The following ARMC2 variants were observed in gnomAD, a reference collection of about 807,000 sequenced individuals.
The protein encoded by ARMC2 is armadillo repeat-containing protein 2.
In ARMC2, 67 loss-of-function variants were observed where a neutral mutation model predicts 90.3. That is an observed-to-expected ratio of 0.74 (90% CI 0.61 to 0.91). ARMC2 has a LOEUF of 0.91. Among genes scored for constraint, ARMC2 ranks in the 40% least tolerant of loss-of-function variants. The probability of loss-of-function intolerance (pLI) is 0.00; values close to 1 mark genes in which losing one functional copy is unlikely to be tolerated. For missense variants in ARMC2, 920 were observed against 1,030.9 expected, an observed-to-expected ratio of 0.89 and a Z score of 1.47; for synonymous variants, 393 against 393.0, an observed-to-expected ratio of 1.00 and a Z score of 0.00.
chr6:108,992,025 CATG>C, the ARMC2 span, among the ~76,000 whole-genome samples: 1 of 152,200 alleles, frequency 6.6e-6, no homozygotes, highest in African/African-American at 2.4e-5. Flanking sequence ...TTCCAGCCCA[CATG>C]ATGTCTTCAA....
chr6:109,004,126 T>C, the ARMC2 span, among the ~76,000 whole-genome samples: 12 of 152,100 alleles, frequency 7.9e-5, no homozygotes, highest in African/African-American at 2.9e-4. Flanking sequence ...TAACATGCTT[T>C]ACCCCACAAT....
downstream of ARMC2, among the ~76,000 whole-genome samples, chr6:108,976,850 T>A (rs893912896): frequency 6.6e-6 from 1 of 152,220 alleles, no homozygotes; most frequent in Non-Finnish European, 1.5e-5. Context: ...GCACATTGAT[T>A]TTGTATCTTG....
the ARMC2 span, among the ~76,000 whole-genome samples, chr6:109,040,519 G>C: frequency 3.3e-3 from 509 of 151,998 alleles, no homozygotes; most frequent in African/African-American, 9.9e-3. Context: ...AGGACTCTTA[G>C]GGTAACGCCA....
At chr6:108,873,923 A>G (rs1340959725) in intron 4 of ARMC2, among the ~76,000 whole-genome samples, 2 of 152,156 alleles carry the variant, frequency 1.3e-5, no homozygotes, top group Admixed American at 1.3e-4. Flanking sequence ...AGATAGAGCA[A>G]CGTCATTAAG....
intron 5 of ARMC2, among the ~76,000 whole-genome samples, chr6:108,881,079 C>T (rs1404137283): frequency 6.6e-6 from 1 of 152,084 alleles, no homozygotes; most frequent in African/African-American, 2.4e-5. Flanking sequence ...TGGTCTTGAT[C>T]TCCTGACCTT....
the ARMC2 span, among the ~76,000 whole-genome samples, chr6:109,035,885 G>A: frequency 6.6e-6 from 1 of 152,224 alleles, no homozygotes; most frequent in Admixed American, 6.5e-5. Context: ...TGGGATTACA[G>A]ACGTGACCAC....
chr6:108,862,227 C>A (rs1775320009), intron 3 of ARMC2, among the ~76,000 whole-genome samples: 2 of 151,678 alleles, frequency 1.3e-5, no homozygotes, highest in Non-Finnish European at 1.5e-5. Context: ...GCCTCTAACC[C>A]CAGCTACTCT....
At chr6:108,957,353 T>C (rs1777670322) in intron 13 of ARMC2, among the ~76,000 whole-genome samples, 1 of 152,196 alleles carries the variant, frequency 6.6e-6, no homozygotes, top group South Asian at 2.1e-4. Context: ...ATTTCCTACC[T>C]GTTTTGTCTG....
At chr6:108,945,566 C>T (rs966469199) in intron 12 of ARMC2, among the ~76,000 whole-genome samples, 2 of 152,224 alleles carry the variant, frequency 1.3e-5, no homozygotes, top group African/African-American at 2.4e-5. Context: ...CCTTTGCAAA[C>T]CCTGGGAACT....
At chr6:109,001,795 G>A in the ARMC2 span, among the ~76,000 whole-genome samples, 1 of 152,166 alleles carries the variant, frequency 6.6e-6, no homozygotes, top group African/African-American at 2.4e-5. Flanking sequence ...CTTGCAAACA[G>A]ACACTAAAGC....
chr6:109,005,773 T>C, the ARMC2 span, among the ~76,000 whole-genome samples: 8 of 152,186 alleles, frequency 5.3e-5, no homozygotes. Context: ...AAAATAATAA[T>C]ACCATCAATC....
At chr6:108,937,042 T>A (rs1248298377) in intron 12 of ARMC2, 43 bp downstream of exon 12, 3 of 1,427,594 alleles carry the variant, frequency 2.1e-6, no homozygotes, top group East Asian at 2.4e-5. Context: ...GTCTTTACAC[T>A]AATGTGTTTG....
chr6:108,948,739 A>G (rs933156210), intron 12 of ARMC2, among the ~76,000 whole-genome samples: 3 of 152,012 alleles, frequency 2.0e-5, no homozygotes, highest in Admixed American at 2.0e-4. Flanking sequence ...CAGAGATGAC[A>G]GAATCGAAGA....
the ARMC2 span, among the ~76,000 whole-genome samples, chr6:109,009,154 A>G: frequency 6.6e-6 from 1 of 151,998 alleles, no homozygotes; most frequent in Non-Finnish European, 1.5e-5. Flanking sequence ...TCTCCCACCC[A>G]CCGCAGGCAA....
intron 5 of ARMC2, among the ~76,000 whole-genome samples, chr6:108,879,185 T>A (rs1197104752): frequency 4.2e-5 from 6 of 142,982 alleles, no homozygotes; most frequent in Non-Finnish European, 9.1e-5. Flanking sequence ...TCCACCCACC[T>A]ATCCACCTAT....
In ARMC2 at chr6:108,945,744, T is replaced by C. The variant is rs547353985; in HGVS notation, c.1597-7289T>C. Among the ~76,000 whole-genome samples, 6 of 152,360 alleles carry C rather than the reference T, an allele frequency of 3.9e-5. No homozygotes were observed. The South Asian group carries it at 1.2e-3, about 32-fold the overall frequency. On this transcript the variant is annotated intron_variant, in intron 12 of 17. Coordinates refer to ENST00000392644, the MANE Select transcript of ARMC2 (RefSeq NM_032131.6). Reference sequence around the variant, plus strand: ...AATGAGAGCTGGAATGTCTGAACAGTGTGGGCTGAAAGCAAAACCACCTCC... The same window carrying C: ...AATGAGAGCTGGAATGTCTGAACAGCGTGGGCTGAAAGCAAAACCACCTCC...
chr6:108,855,250 C>CTTTTTTTTTTT (rs1256172618), intron 2 of ARMC2, among the ~76,000 whole-genome samples: 1 of 138,172 alleles, frequency 7.2e-6, no homozygotes, highest in Admixed American at 7.3e-5. Context: ...TTTTGTTTTT[C>CTTTTTTTTTTT]TTTTTTTTTT....
chr6:108,953,252 A>C lies in ARMC2; in HGVS notation c.1816A>C (p.Lys606Gln). The C allele has an allele frequency of 6.2e-7, 1 of 1,613,578 alleles. No individual in the cohort carries two copies. Among genetic ancestry groups the C allele is most frequent in the African/African-American group, 1.3e-5 (1 of 75,080 alleles). Reference sequence around the variant, plus strand: ...GTCAGAGGCAGAGGACGTGCTCATCAAGCTGACTCGTGTGCTGGCCAACAT... The same window carrying C: ...GTCAGAGGCAGAGGACGTGCTCATCCAGCTGACTCGTGTGCTGGCCAACAT... ...PPSEAEDVLI[K>Q]LTRVLANIAI... The change falls in exon 13 of 18, where the codon AAG (lysine) becomes CAG (glutamine). Residue 606 changes from lysine (K) to glutamine (Q), a missense_variant. Transcript: ENST00000392644.
chr6:108,919,328 A>G (rs1013800855), intron 10 of ARMC2, among the ~76,000 whole-genome samples: 6 of 152,192 alleles, frequency 3.9e-5, no homozygotes, highest in Non-Finnish European at 7.3e-5. Context: ...TATGCTGGAA[A>G]TTATGTTAAT....
Sources: gnomAD v4.1 joint callset for allele counts (sites outside exome capture counted in the v4.1 genomes callset) on GRCh38, gnomAD v4.1.1 for gene constraint, MANE v1.5 for transcripts, NCBI Gene and HGNC (gene_info 2026-07-23, HGNC 2026-07-21) for gene names.